The following EMP3 variants were observed in gnomAD, a reference collection of about 807,000 sequenced individuals.
The protein encoded by EMP3 is epithelial membrane protein 3.
In EMP3, 15 loss-of-function variants were observed where a neutral mutation model predicts 21.6. The observed-to-expected ratio is 0.69, with a 90% CI of 0.46 to 1.07. The LOEUF is 1.07. Among genes scored for constraint, EMP3 ranks in the 50% least tolerant of loss-of-function variants. The probability of loss-of-function intolerance (pLI) is 0.00; values close to 1 mark genes in which losing one functional copy is unlikely to be tolerated. For synonymous variants in EMP3, 107 were observed against 86.1 expected, an observed-to-expected ratio of 1.24 and a Z score of -1.34; for missense variants, 183 against 206.6, an observed-to-expected ratio of 0.89 and a Z score of 0.70.
At chr19:48,328,677 A>G (rs1210376016) in intron 3 of EMP3, among the ~76,000 whole-genome samples, 2 of 152,220 alleles carry the variant, frequency 1.3e-5, no homozygotes, top group Non-Finnish European at 2.9e-5. Flanking sequence ...GATTAAAGGA[A>G]GTGGTCTGCT....
chr19:48,328,967 A>T (rs1277534412), intron 3 of EMP3, among the ~76,000 whole-genome samples: 1 of 152,084 alleles, frequency 6.6e-6, no homozygotes, highest in East Asian at 1.9e-4. Context: ...ACAAAAATTT[A>T]AAAATTACCC....
chr19:48,327,069 G>T (rs1969134381), intron 2 of EMP3, 147 bp downstream of exon 2: 1 of 746,572 alleles, frequency 1.3e-6, no homozygotes, highest in Non-Finnish European at 2.2e-6. Context: ...GTCTCACTCT[G>T]TCCCCCAGGC....
In EMP3 at chr19:48,327,618, A is replaced by T; in HGVS notation, c.176A>T (p.Glu59Val). 1 of 1,613,632 alleles carries T rather than the reference A, an allele frequency of 6.2e-7. No homozygotes were observed. Among genetic ancestry groups the T allele is most frequent in the Non-Finnish European group, 8.5e-7 (1 of 1,179,820 alleles). Residue 59 changes from glutamate (E) to valine (V), a missense_variant, in exon 3 of 5, where the codon GAG becomes GTG. Transcript: ENST00000270221. ...TKTWACSNVSENGWLKAVQVL... is the reference protein window; with the variant it reads ...TKTWACSNVSVNGWLKAVQVL... ...ACATGGGCCTGCAGTAATGTCAGCG[A>T]GAATGGTGAGGGGTGAGGGCGGCGG...
chr19:48,330,283 G>T lies in EMP3; in HGVS notation c.323-18G>T. Reference sequence around the variant, plus strand: ...CTTGAGGGGGCACTGCATGACGTGTGGTTTTCATCTTCCGCAGGCGTGGCG... The same window carrying T: ...CTTGAGGGGGCACTGCATGACGTGTTGTTTTCATCTTCCGCAGGCGTGGCG... On this transcript the variant is annotated intron_variant, in intron 4 of 4. Coordinates refer to ENST00000270221, the MANE Select transcript of EMP3 (RefSeq NM_001425.3). The T allele has an allele frequency of 6.4e-7, 1 of 1,567,998 alleles. No individual in the cohort carries two copies.
rs1600885515 is a variant in EMP3 at position 48,330,451 on chromosome 19, A to C, written c.473A>C (p.His158Pro). Residue 158 changes from histidine (H) to proline (P), a missense_variant, in exon 5 of 5, where the codon CAC (histidine) becomes CCC (proline). Transcript: ENST00000270221. ...CTGGTCAGCGGCATCATCTACATCC[A>C]CCTACGGAAGCGGGAGTGAGCGCCC... The part of the protein sequence containing the change: ...LALVSGIIYI[H>P]LRKRE The C allele has an allele frequency of 6.3e-7, 1 of 1,585,082 alleles. No individual in the cohort carries two copies. The highest frequency in any genetic ancestry group is 2.4e-5 in the East Asian group (1 of 41,110).
In EMP3 at chr19:48,329,605, T is replaced by G; in HGVS notation, c.322+113T>G. The G allele has an allele frequency of 7.3e-7, 1 of 1,370,130 alleles. No individual in the cohort carries two copies. Among genetic ancestry groups the G allele is most frequent in the South Asian group, 1.4e-5 (1 of 71,256 alleles). 84.9% of individuals were successfully genotyped at this position (1,370,130 alleles called of 1,614,324 possible). ...GGGCCTCTCGTAGAAAAAAACAACT[T>G]TCAACACCCCACGAGCCACAAGAGG... On this transcript the variant is annotated intron_variant, in intron 4 of 4. Transcript: ENST00000270221. The surrounding 1 kb of genome is among the most constrained non-coding windows in gnomAD (Gnocchi z 4.5).
rs1442944984 is a variant in EMP3 at position 48,329,626 on chromosome 19, A to G, written c.322+134A>G. 2 of 1,174,696 alleles carry G rather than the reference A, an allele frequency of 1.7e-6. No homozygotes were observed. The highest frequency in any genetic ancestry group is 2.5e-5 in the East Asian group (1 of 40,160). The allele number at this position is 1,174,696 out of a possible 1,614,324, so 72.8% of individuals were successfully genotyped here. A position where few individuals can be genotyped will look rare whatever the true frequency, so the allele number is the denominator to read the frequency against. On this transcript the variant is annotated intron_variant, in intron 4 of 4. Coordinates refer to ENST00000270221, the MANE Select transcript of EMP3 (RefSeq NM_001425.3). This position sits in a 1 kb window ranked among gnomAD's most constrained non-coding sequence, Gnocchi z 4.5. ...AACTTTCAACACCCCACGAGCCACA[A>G]GAGGTGCCTCCGTGGGCTACATCTC... is the stretch of plus-strand genomic sequence containing the variant.
chr19:48,326,384 A>G (rs949324560), intron 1 of EMP3, among the ~76,000 whole-genome samples: 1 of 152,044 alleles, frequency 6.6e-6, no homozygotes, highest in African/African-American at 2.4e-5. Flanking sequence ...CCTCCAGCCA[A>G]TGGGGATCTC....
Position 48,329,423 on chromosome 19 carries a change from A to G in EMP3, c.253A>G (p.Met85Val). 2 of 1,613,978 alleles carry G rather than the reference A, an allele frequency of 1.2e-6. No homozygotes were observed. Among genetic ancestry groups the G allele is most frequent in the Non-Finnish European group, 8.5e-7 (1 of 1,180,004 alleles). ...ILCCLSFILF[M>V]FQLYTMRRGG... is the part of the protein sequence containing the mutation. ...CTGCTGTCTCTCCTTCATCCTGTTC[A>G]TGTTCCAGCTCTACACCATGCGACG... The change falls in exon 4 of 5, where the codon ATG becomes GTG. Residue 85 changes from methionine (M) to valine (V), a missense_variant. By Grantham distance (21) the Met-to-Val change is conservative. Transcript: ENST00000270221. The surrounding 1 kb of genome is among the most constrained non-coding windows in gnomAD (Gnocchi z 4.5).
chr19:48,329,571 C>G lies in EMP3; in HGVS notation c.322+79C>G. 1 of 1,557,330 alleles carries G rather than the reference C, an allele frequency of 6.4e-7. No homozygotes were observed. The highest frequency in any genetic ancestry group is 1.4e-5 in the African/African-American group (1 of 73,142). On this transcript the variant is annotated intron_variant, in intron 4 of 4. Coordinates refer to ENST00000270221, the MANE Select transcript of EMP3 (RefSeq NM_001425.3). This position sits in a 1 kb window ranked among gnomAD's most constrained non-coding sequence, Gnocchi z 4.5. ...TGGGGTGTGTCAAGATGCTGGGGGC[C>G]CTGAGAATGGGCCTCTCGTAGAAAA...
chr19:48,327,671 C>A lies in EMP3; in HGVS notation c.181+48C>A, dbSNP rs1204976387. 7 of 1,535,384 alleles carry A rather than the reference C, an allele frequency of 4.6e-6. No homozygotes were observed. The South Asian group carries it at 8.1e-5, about 18-fold the overall frequency. On this transcript the variant is annotated intron_variant, in intron 3 of 4. Transcript: ENST00000270221. ...CTGGTCTTCAAAGGGGAAGGTAAAC[C>A]CTTCGTGTCCTCATGGGACTGAGAA...
chr19:48,325,847 G>T (rs1969114371), intron 1 of EMP3: 1 of 152,178 alleles, frequency 6.6e-6, no homozygotes, highest in African/African-American at 2.4e-5. Context: ...TTTTCCCTCA[G>T]CGGTGTCCAC....
chr19:48,327,438 C>A, intron 2 of EMP3, 83 bp from the exon 3 acceptor site: 2 of 1,013,434 alleles, frequency 2.0e-6, no homozygotes, highest in Non-Finnish European at 3.0e-6. Flanking sequence ...CTGCCCTTTT[C>A]CCAGCCCTTC....
intron 1 of EMP3, among the ~76,000 whole-genome samples, chr19:48,325,816 C>A (rs1168377383): frequency 6.6e-6 from 1 of 151,968 alleles, no homozygotes; most frequent in African/African-American, 2.4e-5. Flanking sequence ...CAGAGCCCTC[C>A]ACTGGAAAAC....
chr19:48,330,069 C>A (rs1304649095), intron 4 of EMP3, among the ~76,000 whole-genome samples: 1 of 152,156 alleles, frequency 6.6e-6, no homozygotes, highest in Non-Finnish European at 1.5e-5. Flanking sequence ...GAAACACACT[C>A]AAAAATATTC....
chr19:48,327,662 A>T (rs1304298568), intron 3 of EMP3, 39 bp downstream of exon 3: 10 of 1,562,810 alleles, frequency 6.4e-6, no homozygotes, highest in Non-Finnish European at 7.9e-6. Context: ...TTCAAAGGGG[A>T]AGGTAAACCC....
At chr19:48,327,807 T>C (rs1969149105) in intron 3 of EMP3, 184 bp downstream of exon 3, 1 of 570,860 alleles carries the variant, frequency 1.8e-6, no homozygotes, top group African/African-American at 1.9e-5. Context: ...CCTCTTGTTT[T>C]TTTTGTTTTT....
rs8355 is a variant in EMP3, at chr19:48,330,543, C to T, written c.*73C>T. ...CCGCGCGTCCTCCAAAAAATAAAAC[C>T]TTAACCGCGGGCTCTGCCTTGATCT... is the stretch of plus-strand genomic sequence containing the variant. On this transcript the variant is annotated 3_prime_UTR_variant, in exon 5 of 5. Coordinates refer to ENST00000270221, the MANE Select transcript of EMP3 (RefSeq NM_001425.3). 0.51 allele frequency: 690,540 copies of T among 1,363,884 alleles called. 177,751 individuals are homozygous for T. The highest frequency in any genetic ancestry group is 0.6 in the Middle Eastern group (2,416 of 4,042). The allele number at this position is 1,363,884 out of a possible 1,614,324, so 84.5% of individuals were successfully genotyped here.
rs1044421 is a variant in EMP3 at position 48,330,329 on chromosome 19, C to A, written c.351C>A (p.Ile117=). The A allele has an allele frequency of 6.2e-7, 1 of 1,603,342 alleles. No individual in the cohort carries two copies. Among genetic ancestry groups the A allele is most frequent in the East Asian group, 2.3e-5 (1 of 43,392 alleles). Residue 117 remains isoleucine (I), a synonymous_variant, in exon 5 of 5, where the codon ATC becomes ATA. Coordinates refer to ENST00000270221, the MANE Select transcript of EMP3 (RefSeq NM_001425.3). ...TSVAVFTGAL[I]YAIHAEEILE... ...TGGCGGTGTTTACTGGCGCCTTGATCTATGCCATTCACGCCGAGGAGATCC... is the reference window on the plus strand; with the variant it reads ...TGGCGGTGTTTACTGGCGCCTTGATATATGCCATTCACGCCGAGGAGATCC...
Sources: allele counts gnomAD v4.1 joint callset (sites outside exome capture counted in the v4.1 genomes callset), GRCh38; gene constraint gnomAD v4.1.1; non-coding constraint Gnocchi (gnomAD v3.1); transcripts MANE v1.5; gene names NCBI Gene and HGNC (gene_info 2026-07-23, HGNC 2026-07-21).